XRCC4: variants seen among roughly 807,000 people sequenced by gnomAD.
XRCC4 encodes X-ray repair cross complementing 4, also known as DNA repair protein XRCC4.
A neutral mutation model predicts 39.1 loss-of-function variants in XRCC4; 28 were observed. The ratio of observed to expected loss-of-function variants is 0.72; its 90% CI spans 0.53 to 0.98. XRCC4 has a LOEUF of 0.98. Ranked by LOEUF, XRCC4 falls within the 50% of genes least tolerant of loss-of-function variation. XRCC4 has a pLI of 0.00. For missense variants in XRCC4, 350 were observed against 376.4 expected (o/e 0.93, Z 0.58); for synonymous variants, 123 against 126.4 (o/e 0.97, Z 0.18).
chr5:83,170,846 G>A lies in XRCC4; in HGVS notation c.316-24924G>A, dbSNP rs186790822. On this transcript the variant is annotated intron_variant, in intron 3 of 7. Transcript: ENST00000396027. Reference sequence around the variant, plus strand: ...AAGGAGGGGGATTATACGGGGCAGGGCGTATATACCAGCGGGCGGGAATCT... The same window carrying A: ...AAGGAGGGGGATTATACGGGGCAGGACGTATATACCAGCGGGCGGGAATCT... Among the ~76,000 whole-genome samples the A allele has an allele frequency of 8.6e-4, 131 of 152,220 alleles. No homozygotes were observed. The Middle Eastern group carries it at 0.01, about 12-fold the overall frequency.
rs60919474 is a variant in XRCC4, at chr5:83,242,162, T to TTGTGTGTGTGTGTG, written c.746-16344_746-16331dup. ...TGCCCAAGGGTCACTCGTATACACA[T>TTGTGTGTGTGTGTG]TGTGTGTGTGTGTGTGTGTGTGTGT... On this transcript the variant is annotated intron_variant, in intron 6 of 7. Coordinates refer to ENST00000396027, the MANE Select transcript of XRCC4 (RefSeq NM_003401.5). Among the ~76,000 whole-genome samples the TTGTGTGTGTGTGTG allele has an allele frequency of 1.8e-4, 26 of 145,370 alleles. No homozygotes were observed. In the East Asian group the frequency reaches 2.1e-3, roughly 12 times the overall value.
intron 6 of XRCC4, among the ~76,000 whole-genome samples, chr5:83,235,565 T>C (rs1330364449): frequency 6.6e-6 from 1 of 152,036 alleles, no homozygotes; most frequent in Non-Finnish European, 1.5e-5. Flanking sequence ...GAATATACCT[T>C]AACGTGACAA....
chr5:83,335,730 C>T (rs1756575952), intron 7 of XRCC4, among the ~76,000 whole-genome samples: 2 of 151,942 alleles, frequency 1.3e-5, no homozygotes. Flanking sequence ...ATTGAGTTGA[C>T]TATTAGTTAA....
intron 3 of XRCC4, among the ~76,000 whole-genome samples, chr5:83,158,988 G>A (rs911515215): frequency 2.6e-5 from 4 of 152,066 alleles, no homozygotes; most frequent in African/African-American, 9.7e-5. Flanking sequence ...CAGCTATTCT[G>A]TTCCTCAGCC....
chr5:83,132,227 G>C (rs1747630242), intron 3 of XRCC4, among the ~76,000 whole-genome samples: 1 of 152,130 alleles, frequency 6.6e-6, no homozygotes, highest in Non-Finnish European at 1.5e-5. Flanking sequence ...CTTCTGGCTT[G>C]TAGAGTTTCT....
intron 7 of XRCC4, among the ~76,000 whole-genome samples, chr5:83,334,586 A>G (rs907779888): frequency 1.3e-5 from 2 of 152,006 alleles, no homozygotes; most frequent in African/African-American, 2.4e-5. Context: ...CCAACAAATT[A>G]TTAAGGGAAA....
intron 7 of XRCC4, among the ~76,000 whole-genome samples, chr5:83,281,223 C>A (rs1242634908): frequency 3.3e-5 from 5 of 152,182 alleles, no homozygotes; most frequent in Admixed American, 3.3e-4. Context: ...ATGCCTCCTT[C>A]ACTGCTTTGA....
rs191042895 is a variant in XRCC4 at position 83,267,173 on chromosome 5, G to C, written c.893+8496G>C. ...AAAATCAGAGAAGACTGACCAGGAG[G>C]AAGTGTTCTTTGAGTCTGGCTTTGG... is the stretch of plus-strand genomic sequence containing the variant. On this transcript the variant is annotated intron_variant, in intron 7 of 7. Coordinates refer to ENST00000396027, the MANE Select transcript of XRCC4 (RefSeq NM_003401.5). Among the ~76,000 whole-genome samples the C allele has an allele frequency of 1.1e-3, 171 of 152,280 alleles. 1 individual carries two copies. The highest frequency in any genetic ancestry group is 9.2e-3 in the Admixed American group (140 of 15,294).
At chr5:83,109,682 A>C (rs1746357334) in intron 2 of XRCC4, among the ~76,000 whole-genome samples, 1 of 151,980 alleles carries the variant, frequency 6.6e-6, no homozygotes, top group African/African-American at 2.4e-5. Context: ...AGGTATTTCA[A>C]AACCAAAGTA....
intron 3 of XRCC4, among the ~76,000 whole-genome samples, chr5:83,162,587 A>G (rs1749268110): frequency 6.6e-6 from 1 of 152,234 alleles, no homozygotes; most frequent in Non-Finnish European, 1.5e-5. Context: ...TTATAAATCT[A>G]CTGAAATGTA....
intron 6 of XRCC4, among the ~76,000 whole-genome samples, chr5:83,215,098 A>C (rs569045679): frequency 5.3e-5 from 8 of 152,140 alleles, no homozygotes; most frequent in Admixed American, 2.0e-4. Flanking sequence ...CACTTTGGGA[A>C]GCTGATGCGG....
intron 1 of XRCC4, among the ~76,000 whole-genome samples, chr5:83,104,269 A>G (rs1429534691): frequency 2.0e-5 from 3 of 152,064 alleles, no homozygotes; most frequent in Non-Finnish European, 4.4e-5. Context: ...ATACTTACTC[A>G]ACTTTTTCAT....
At chr5:83,209,335 C>A (rs1751547418) in intron 6 of XRCC4, among the ~76,000 whole-genome samples, 1 of 152,026 alleles carries the variant, frequency 6.6e-6, no homozygotes, top group Admixed American at 6.6e-5. Flanking sequence ...TCTGCAACAC[C>A]ACCACATGCA....
chr5:83,355,870 T>C (rs1178506262), downstream of XRCC4, among the ~76,000 whole-genome samples: 1 of 152,136 alleles, frequency 6.6e-6, no homozygotes, highest in Admixed American at 6.5e-5. Flanking sequence ...CCTCCTAACC[T>C]CAAGTGATCC....
chr5:83,300,666 G>A lies in XRCC4; in HGVS notation c.893+41989G>A, dbSNP rs754779608. 2.0e-5 allele frequency among the ~76,000 whole-genome samples: 3 copies of A among 149,062 alleles called. No individual in the cohort carries two copies. In the Admixed American group the frequency reaches 2.0e-4, roughly 10 times the overall value. ...TTACATAGTATACATGTGCCATGGT[G>A]GTTTGCTGCACCCATCAACCGGTCA... On this transcript the variant is annotated intron_variant, in intron 7 of 7. Transcript: ENST00000396027.
intron 7 of XRCC4, among the ~76,000 whole-genome samples, chr5:83,315,479 G>A (rs1755847741): frequency 6.6e-6 from 1 of 152,112 alleles, no homozygotes; most frequent in Admixed American, 6.6e-5. Context: ...GGAAGAAGAT[G>A]CCATCTGGGA....
intron 7 of XRCC4, among the ~76,000 whole-genome samples, chr5:83,283,587 T>TA (rs1754627665): frequency 6.6e-6 from 1 of 152,224 alleles, no homozygotes; most frequent in African/African-American, 2.4e-5. Flanking sequence ...TAATTGACTT[T>TA]ATTCCACTAA....
intron 3 of XRCC4, among the ~76,000 whole-genome samples, chr5:83,182,936 A>C (rs889598053): frequency 6.6e-6 from 1 of 152,182 alleles, no homozygotes; most frequent in Admixed American, 6.6e-5. Context: ...GTAAAAACCC[A>C]GTCTAAGGTA....
chr5:83,313,857 C>A (rs1188250593), intron 7 of XRCC4, among the ~76,000 whole-genome samples: 1 of 152,050 alleles, frequency 6.6e-6, no homozygotes, highest in Non-Finnish European at 1.5e-5. Flanking sequence ...CCATATCAGT[C>A]TCTAAAATAT....
Sources: gnomAD v4.1 joint callset for allele counts (sites outside exome capture counted in the v4.1 genomes callset) on GRCh38, gnomAD v4.1.1 for gene constraint, MANE v1.5 for transcripts, NCBI Gene and HGNC (gene_info 2026-07-23, HGNC 2026-07-21) for gene names.